The following DPYSL5 variants were observed in gnomAD, a reference collection of about 807,000 sequenced individuals.
DPYSL5 encodes the protein dihydropyrimidinase like 5.
A neutral mutation model predicts 58.4 loss-of-function variants in DPYSL5; 9 were observed. That is an observed-to-expected ratio of 0.15 (90% CI 0.09 to 0.27). The LOEUF is 0.27. Ranked by LOEUF, DPYSL5 falls within the 10% of genes least tolerant of loss-of-function variation. The probability of loss-of-function intolerance (pLI) is 1.00; values close to 1 mark genes in which losing one functional copy is unlikely to be tolerated. For missense variants in DPYSL5, 499 were observed against 770.6 expected, an observed-to-expected ratio of 0.65 and a Z score of 4.17; for synonymous variants, 293 against 301.9, an observed-to-expected ratio of 0.97 and a Z score of 0.31.
chr2:26,919,520 A>T lies in DPYSL5; in HGVS notation c.262-5367A>T, dbSNP rs141278371. Reference sequence around the variant, plus strand: ...ATGGTGCAGTGTCTGTTGGTTAAACAAATGATCCTAATGTCTCTGTTAATT... The same window carrying T: ...ATGGTGCAGTGTCTGTTGGTTAAACTAATGATCCTAATGTCTCTGTTAATT... On this transcript the variant is annotated intron_variant, in intron 2 of 12. Coordinates refer to ENST00000288699, the MANE Select transcript of DPYSL5 (RefSeq NM_020134.4). Among the ~76,000 whole-genome samples, 739 of 152,376 alleles carry T rather than the reference A, an allele frequency of 4.8e-3. 11 individuals carry two copies. The highest frequency in any genetic ancestry group is 0.017 in the African/African-American group (713 of 41,594).
Position 26,933,247 on chromosome 2 carries a change from C to G in DPYSL5, c.715-11C>G, listed in dbSNP as rs1230577197. ...CAACCCTCCCTACTTCCCACTGTTT[C>G]TTGTGTTTAGACTCACTGTCCAATC... On this transcript the variant is annotated splice_polypyrimidine_tract_variant and intron_variant, in intron 6 of 12. Coordinates refer to ENST00000288699, the MANE Select transcript of DPYSL5 (RefSeq NM_020134.4). This position sits in a 1 kb window ranked among gnomAD's most constrained non-coding sequence, Gnocchi z 4.2. 7 of 1,613,736 alleles carry G rather than the reference C, an allele frequency of 4.3e-6. No individual in the cohort carries two copies. In the African/African-American group the frequency reaches 8.0e-5, roughly 18 times the overall value.
In DPYSL5 at chr2:26,944,326, A is replaced by T. The variant is rs988769661; in HGVS notation, c.1441-330A>T. 6.6e-6 allele frequency among the ~76,000 whole-genome samples: 1 copy of T among 152,158 alleles called. No homozygotes were observed. The highest frequency in any genetic ancestry group is 2.4e-5 in the African/African-American group (1 of 41,430). ...AAATTTGGTTAAAGTTGACTTCCTCAGATGTCTACCTGCTACCTCGGTGAG... is the reference window on the plus strand; with the variant it reads ...AAATTTGGTTAAAGTTGACTTCCTCTGATGTCTACCTGCTACCTCGGTGAG... On this transcript the variant is annotated intron_variant, in intron 11 of 12. Transcript: ENST00000288699. The surrounding 1 kb of genome is among the most constrained non-coding windows in gnomAD (Gnocchi z 4.4).
chr2:26,914,935 C>T (rs1324972302), intron 2 of DPYSL5, among the ~76,000 whole-genome samples: 1 of 152,058 alleles, frequency 6.6e-6, no homozygotes, highest in Non-Finnish European at 1.5e-5. Context: ...GCTTCCATAA[C>T]CCCATACCCC....
intron 1 of DPYSL5, 35 bp downstream of exon 1, chr2:26,848,289 C>G (rs189588464): frequency 6.6e-6 from 1 of 152,328 alleles, no homozygotes; most frequent in African/African-American, 2.4e-5. Flanking sequence ...GGGCTTACCC[C>G]TCCCGGGCTA....
intron 1 of DPYSL5, among the ~76,000 whole-genome samples, chr2:26,885,300 C>G (rs1663689532): frequency 6.6e-6 from 1 of 152,220 alleles, no homozygotes; most frequent in Admixed American, 6.5e-5. Flanking sequence ...ATTTCCCTCC[C>G]CGTACCCACT....
chr2:26,888,255 T>TTCTTTCTTTCTGTCTGTCTTTCTTTCTG, intron 1 of DPYSL5, among the ~76,000 whole-genome samples: 1 of 108,258 alleles, frequency 9.2e-6, no homozygotes, highest in African/African-American at 4.6e-5. Context: ...CTTTCTTTCT[T>TTCTTTCTTTCTGTCTGTCTTTCTTTCTG]TCTTTCTTTC....
Position 26,927,736 on chromosome 2 carries a change from A to G in DPYSL5, c.600+304A>G, listed in dbSNP as rs895932306. Among the ~76,000 whole-genome samples, 1 of 152,256 alleles carries G rather than the reference A, an allele frequency of 6.6e-6. No individual in the cohort carries two copies. The highest frequency in any genetic ancestry group is 2.4e-5 in the African/African-American group (1 of 41,464). On this transcript the variant is annotated intron_variant, in intron 4 of 12. Coordinates refer to ENST00000288699, the MANE Select transcript of DPYSL5 (RefSeq NM_020134.4). The surrounding 1 kb of genome is among the most constrained non-coding windows in gnomAD (Gnocchi z 4.3). ...GCAGAGAATTTGGAGCACCTCTCAG[A>G]CATATTTTTAATGAGATTTGATATA...
At chr2:26,904,490 T>C (rs1422023848) in intron 2 of DPYSL5, among the ~76,000 whole-genome samples, 1 of 152,242 alleles carries the variant, frequency 6.6e-6, no homozygotes, top group Non-Finnish European at 1.5e-5. Context: ...CAGACTCATA[T>C]GGTCTTGCTT....
intron 6 of DPYSL5, among the ~76,000 whole-genome samples, chr2:26,932,594 C>T (rs1168114062): frequency 6.6e-6 from 1 of 152,230 alleles, no homozygotes; most frequent in East Asian, 1.9e-4. Flanking sequence ...CCTGGTGGAA[C>T]TTAACCCAGA....
In DPYSL5 at chr2:26,934,714, C is replaced by A. The variant is rs1372455658; in HGVS notation, c.927C>A (p.Tyr309Ter). ...GACTGGACACCAACACCTCAACCTA[C>A]CTCATGAGCCTGCTGGCCAAGTAAG... ...PLRLDTNTSTYLMSLLANDTL... is the reference protein window; with the variant it reads ...PLRLDTNTST Residue 309 changes from tyrosine (Y) to a stop codon, truncating the protein, a stop_gained, in exon 8 of 13, where the codon TAC (tyrosine) becomes TAA (stop). Coordinates refer to ENST00000288699, the MANE Select transcript of DPYSL5 (RefSeq NM_020134.4). LOFTEE classifies it high-confidence loss of function. This position sits in a 1 kb window ranked among gnomAD's most constrained non-coding sequence, Gnocchi z 4.3. 6.2e-7 allele frequency: 1 copy of A among 1,614,052 alleles called. No individual in the cohort carries two copies. Among genetic ancestry groups the A allele is most frequent in the Non-Finnish European group, 8.5e-7 (1 of 1,180,024 alleles).
chr2:26,902,976 T>C (rs1664196996), intron 2 of DPYSL5, among the ~76,000 whole-genome samples: 1 of 152,060 alleles, frequency 6.6e-6, no homozygotes. Flanking sequence ...TTGTTTAGCA[T>C]ATCATCAAGA....
chr2:26,923,787 A>G (rs1664760680), intron 2 of DPYSL5, among the ~76,000 whole-genome samples: 1 of 151,964 alleles, frequency 6.6e-6, no homozygotes, highest in Admixed American at 6.6e-5. Context: ...CAGCCTCCCA[A>G]GTAGTTGTGA....
In DPYSL5 at chr2:26,927,570, C is replaced by T. The variant is rs1420505106; in HGVS notation, c.600+138C>T. ...GTTAAAGTGTGAGGTGTGGACACCC[C>T]AGCTGTCAGATCTTGGTCAGAAAAT... On this transcript the variant is annotated intron_variant, in intron 4 of 12. Coordinates refer to ENST00000288699, the MANE Select transcript of DPYSL5 (RefSeq NM_020134.4). This position sits in a 1 kb window ranked among gnomAD's most constrained non-coding sequence, Gnocchi z 4.3. 8.5e-6 allele frequency: 9 copies of T among 1,056,518 alleles called. No individual in the cohort carries two copies. Among genetic ancestry groups the T allele is most frequent in the Non-Finnish European group, 1.2e-5 (9 of 759,494 alleles). 65.4% of individuals were successfully genotyped at this position (1,056,518 alleles called of 1,614,324 possible).
chr2:26,942,170 C>T lies in DPYSL5; in HGVS notation c.1232+78C>T, dbSNP rs753772127. On this transcript the variant is annotated intron_variant, in intron 10 of 12. Transcript: ENST00000288699. The surrounding 1 kb of genome is among the most constrained non-coding windows in gnomAD (Gnocchi z 5.9). ...GACTTGCATTACAGATCTCCAAAAGCATATAATTTTGCACTATTTCTAGCA... is the reference window on the plus strand; with the variant it reads ...GACTTGCATTACAGATCTCCAAAAGTATATAATTTTGCACTATTTCTAGCA... The T allele has an allele frequency of 1.2e-4, 189 of 1,580,410 alleles. No homozygotes were observed. Among genetic ancestry groups the T allele is most frequent in the Non-Finnish European group, 1.6e-4 (185 of 1,164,106 alleles).
chr2:26,888,703 C>A (rs1270934561), intron 1 of DPYSL5, among the ~76,000 whole-genome samples: 2 of 152,082 alleles, frequency 1.3e-5, no homozygotes, highest in Admixed American at 1.3e-4. Flanking sequence ...AAGTTTTTGG[C>A]GAAACATATG....
At chr2:26,888,271 T>TTCTTTCTG (rs1663780267) in intron 1 of DPYSL5, among the ~76,000 whole-genome samples, 1 of 147,424 alleles carries the variant, frequency 6.8e-6, no homozygotes, top group African/African-American at 2.5e-5. Flanking sequence ...CTTTCTGTCT[T>TTCTTTCTG]TCTTTCTGTC....
At chr2:26,932,790 T>C (rs770836891) in intron 6 of DPYSL5, among the ~76,000 whole-genome samples, 1 of 152,164 alleles carries the variant, frequency 6.6e-6, no homozygotes, top group East Asian at 1.9e-4. Context: ...CCTAACCCCC[T>C]TGTATTTTGT....
rs1002827743 is a variant in DPYSL5 at position 26,949,686 on chromosome 2, AG to A, written c.*2693del. ...ACCACGTCTTGGAGTGGTCCACTGT[AG>A]GCCATGCGCTTCATCCACCCCCAGT... On this transcript the variant is annotated 3_prime_UTR_variant, in exon 13 of 13. Coordinates refer to ENST00000288699, the MANE Select transcript of DPYSL5 (RefSeq NM_020134.4). 2.0e-5 allele frequency: 3 copies of A among 152,244 alleles called. No individual in the cohort carries two copies. Among genetic ancestry groups the A allele is most frequent in the Non-Finnish European group, 4.4e-5 (3 of 68,098 alleles). 9.4% of individuals were successfully genotyped at this position (152,244 alleles called of 1,614,324 possible). A position where few individuals can be genotyped will look rare whatever the true frequency, so the allele number is the denominator to read the frequency against.
rs146826432 is a variant in DPYSL5, at chr2:26,927,040, G to C, written c.421-213G>C. On this transcript the variant is annotated intron_variant, in intron 3 of 12. Transcript: ENST00000288699. This position sits in a 1 kb window ranked among gnomAD's most constrained non-coding sequence, Gnocchi z 4.3. ...TGTGGCTCCTAAACTGTGTCGTGTTGACAATTTTCACAGTACTTCCGCATC... is the reference window on the plus strand; with the variant it reads ...TGTGGCTCCTAAACTGTGTCGTGTTCACAATTTTCACAGTACTTCCGCATC... 1.4e-3 allele frequency among the ~76,000 whole-genome samples: 206 copies of C among 152,336 alleles called. No individual in the cohort carries two copies. The highest frequency in any genetic ancestry group is 4.7e-3 in the African/African-American group (197 of 41,574).
Sources: allele counts gnomAD v4.1 joint callset (sites outside exome capture counted in the v4.1 genomes callset), GRCh38; gene constraint gnomAD v4.1.1; non-coding constraint Gnocchi (gnomAD v3.1); transcripts MANE v1.5; gene names NCBI Gene and HGNC (gene_info 2026-07-23, HGNC 2026-07-21).